Variants in PSMD14 observed in about 807,000 individuals in gnomAD.
PSMD14 encodes the protein ubiquitin C-terminal hydrolase PSMD14.
In PSMD14, 7 loss-of-function variants were observed where a neutral mutation model predicts 41.2. That is an observed-to-expected ratio of 0.17 (90% CI 0.10 to 0.32). The LOEUF is 0.32. Ranked by LOEUF, PSMD14 falls within the 10% of genes least tolerant of loss-of-function variation. PSMD14 has a pLI of 1.00. For synonymous variants in PSMD14, 114 were observed against 122.3 expected (o/e 0.93, Z 0.45); for missense variants, 139 against 375.6 (o/e 0.37, Z 5.21).
chr2:161,394,110 T>G (rs2105267747), intron 9 of PSMD14, among the ~76,000 whole-genome samples: 1 of 151,740 alleles, frequency 6.6e-6, no homozygotes, highest in Non-Finnish European at 1.5e-5. Context: ...TAGCTGAGAT[T>G]ACAGGCGTCT....
intron 3 of PSMD14, among the ~76,000 whole-genome samples, chr2:161,344,597 G>C (rs1243695034): frequency 6.7e-6 from 1 of 149,552 alleles, no homozygotes; most frequent in East Asian, 2.0e-4. Flanking sequence ...AGTTAAATAA[G>C]AAATAATATT....
chr2:161,326,520 A>T (rs1054757387), intron 3 of PSMD14, among the ~76,000 whole-genome samples: 1 of 152,226 alleles, frequency 6.6e-6, no homozygotes, highest in African/African-American at 2.4e-5. Flanking sequence ...TAAACATAGG[A>T]TTACCGTATA....
chr2:161,331,537 C>T (rs770519109), intron 3 of PSMD14, among the ~76,000 whole-genome samples: 23 of 152,174 alleles, frequency 1.5e-4, no homozygotes, highest in Non-Finnish European at 2.6e-4. Context: ...GGATTACAGG[C>T]GTGAGCCACC....
intron 3 of PSMD14, among the ~76,000 whole-genome samples, chr2:161,322,081 A>G (rs984076062): frequency 6.6e-5 from 10 of 152,124 alleles, no homozygotes; most frequent in Admixed American, 2.0e-4. Context: ...TCTGCAAGCT[A>G]TCTAGGGGTG....
At chr2:161,323,528 T>G (rs1047367095) in intron 3 of PSMD14, among the ~76,000 whole-genome samples, 4 of 152,030 alleles carry the variant, frequency 2.6e-5, no homozygotes, top group Admixed American at 6.6e-5. Context: ...CTGGGTGTCG[T>G]GGTGCACATC....
At chr2:161,411,179 G>A in intron 11 of PSMD14, 123 bp from the exon 12 acceptor site, 1 of 539,522 alleles carries the variant, frequency 1.9e-6, no homozygotes, top group East Asian at 3.3e-5. Context: ...AAGTTAAATT[G>A]TAAAATATTT....
chr2:161,376,285 T>TCTTA (rs955963690), intron 7 of PSMD14, among the ~76,000 whole-genome samples: 1 of 151,662 alleles, frequency 6.6e-6, no homozygotes, highest in African/African-American at 2.4e-5. Context: ...ATAACAGGAA[T>TCTTA]CTTAGTACCT....
At chr2:161,337,834 G>A (rs1163997969) in intron 3 of PSMD14, among the ~76,000 whole-genome samples, 1 of 152,162 alleles carries the variant, frequency 6.6e-6, no homozygotes, top group Non-Finnish European at 1.5e-5. Context: ...GTCTTGACCT[G>A]TAGCCTGCAC....
intron 3 of PSMD14, chr2:161,340,846 C>A: frequency 6.2e-7 from 1 of 1,613,954 alleles, no homozygotes; most frequent in East Asian, 2.2e-5. Context: ...TCCTCCAGCT[C>A]CTCTTTGGTC....
intron 10 of PSMD14, among the ~76,000 whole-genome samples, chr2:161,406,239 C>T (rs1436397337): frequency 1.3e-5 from 2 of 152,136 alleles, no homozygotes; most frequent in Non-Finnish European, 2.9e-5. Context: ...GATCACATAA[C>T]AGACCAAATT....
intron 1 of PSMD14, among the ~76,000 whole-genome samples, chr2:161,314,436 A>G (rs923246829): frequency 9.8e-5 from 15 of 152,376 alleles, no homozygotes; most frequent in South Asian, 4.1e-4. Flanking sequence ...TGAACAGTTT[A>G]GTATCATTTT....
intron 3 of PSMD14, among the ~76,000 whole-genome samples, chr2:161,354,102 C>G (rs773566827): frequency 1.3e-4 from 20 of 152,186 alleles, no homozygotes; most frequent in Non-Finnish European, 1.9e-4. Context: ...TCTGATACCT[C>G]AGTGTTCTGT....
intron 7 of PSMD14, 61 bp downstream of exon 7, chr2:161,371,383 AT>A: frequency 1.3e-6 from 2 of 1,486,992 alleles, no homozygotes; most frequent in Non-Finnish European, 1.8e-6. Context: ...GATACATTAA[AT>A]AAAAATCAAT....
chr2:161,357,933 T>C (rs1683230887), intron 3 of PSMD14, among the ~76,000 whole-genome samples: 1 of 151,976 alleles, frequency 6.6e-6, no homozygotes, highest in Non-Finnish European at 1.5e-5. Flanking sequence ...GTGAAACAGT[T>C]GTTATAAGGT....
chr2:161,380,663 G>A (rs542093952), intron 7 of PSMD14, among the ~76,000 whole-genome samples: 4 of 152,032 alleles, frequency 2.6e-5, no homozygotes, highest in East Asian at 1.9e-4. Flanking sequence ...AATAATTTCC[G>A]TGTTGCAAAC....
chr2:161,346,355 CAAG>C (rs1683042050), intron 3 of PSMD14, among the ~76,000 whole-genome samples: 1 of 152,024 alleles, frequency 6.6e-6, no homozygotes, highest in Non-Finnish European at 1.5e-5. Context: ...ATTTTCATCC[CAAG>C]AAGTTTTATT....
At chr2:161,360,025 C>T (rs1309400216) in intron 3 of PSMD14, among the ~76,000 whole-genome samples, 1 of 151,974 alleles carries the variant, frequency 6.6e-6, no homozygotes, top group Non-Finnish European at 1.5e-5. Context: ...TGGTATCTAT[C>T]ACACATTTGA....
At chr2:161,323,291 C>A (rs1450163051) in intron 3 of PSMD14, among the ~76,000 whole-genome samples, 1 of 152,146 alleles carries the variant, frequency 6.6e-6, no homozygotes, top group Non-Finnish European at 1.5e-5. Flanking sequence ...TTTTATCATG[C>A]TGTCTTTTCC....
chr2:161,388,279 G>C (rs561984629), intron 8 of PSMD14, among the ~76,000 whole-genome samples: 38 of 151,956 alleles, frequency 2.5e-4, no homozygotes, highest in Non-Finnish European at 4.9e-4. Flanking sequence ...AGTAATTACT[G>C]AACATATAAG....
Sources: gnomAD v4.1 joint callset for allele counts (sites outside exome capture counted in the v4.1 genomes callset) on GRCh38, gnomAD v4.1.1 for gene constraint, MANE v1.5 for transcripts, NCBI Gene and HGNC (gene_info 2026-07-23, HGNC 2026-07-21) for gene names.